CAMK1G: variants seen among roughly 807,000 people sequenced by gnomAD.
CAMK1G encodes the protein calcium/calmodulin dependent protein kinase IG.
Under a neutral mutation model 54.8 loss-of-function variants are expected in CAMK1G, and 27 were observed. That is an observed-to-expected ratio of 0.49 (90% CI 0.36 to 0.68). The LOEUF (loss-of-function observed/expected upper bound fraction) is 0.68. Ranked by LOEUF, CAMK1G falls within the 30% of genes least tolerant of loss-of-function variation. CAMK1G has a pLI of 0.00. For synonymous variants in CAMK1G, 238 were observed against 224.9 expected, an observed-to-expected ratio of 1.06 and a Z score of -0.52; for missense variants, 512 against 591.0, an observed-to-expected ratio of 0.87 and a Z score of 1.39.
At chr1:209,585,812 G>T (rs1180284678) in intron 1 of CAMK1G, among the ~76,000 whole-genome samples, 1 of 152,258 alleles carries the variant, frequency 6.6e-6, no homozygotes, top group Non-Finnish European at 1.5e-5. Context: ...GCGCCCAGCC[G>T]CAGCCTGCCA....
intron 5 of CAMK1G, 21 bp downstream of exon 5, chr1:209,605,695 G>T: frequency 1.9e-6 from 3 of 1,608,258 alleles, no homozygotes; most frequent in South Asian, 1.1e-5. Flanking sequence ...GGGAGTCCTG[G>T]GTGGGAAACA....
Position 209,603,298 on chromosome 1 carries a change from A to G in CAMK1G, c.296+10A>G. The G allele has an allele frequency of 6.2e-7, 1 of 1,611,082 alleles. No homozygotes were observed. The highest frequency in any genetic ancestry group is 8.5e-7 in the Non-Finnish European group (1 of 1,177,300). On this transcript the variant is annotated intron_variant, in intron 4 of 12. Coordinates refer to ENST00000361322, the MANE Select transcript of CAMK1G (RefSeq NM_020439.3). ...ACCTGGTCATGCAGCTGTAAGTAAAAGGTGACTTGCTTCCTTCACAGAGGC... is the reference window on the plus strand; with the variant it reads ...ACCTGGTCATGCAGCTGTAAGTAAAGGGTGACTTGCTTCCTTCACAGAGGC...
At chr1:209,604,010 C>G (rs947782628) in intron 4 of CAMK1G, among the ~76,000 whole-genome samples, 13 of 152,266 alleles carry the variant, frequency 8.5e-5, no homozygotes, top group South Asian at 4.1e-4. Context: ...CTCAAAGACA[C>G]TTCTGTTTAT....
chr1:209,600,139 C>A, intron 3 of CAMK1G, 28 bp downstream of exon 3: 1 of 1,608,516 alleles, frequency 6.2e-7, no homozygotes, highest in South Asian at 1.1e-5. Flanking sequence ...TTGACTGGAT[C>A]ACTATGGGAT....
chr1:209,589,545 A>G (rs2102380884), intron 1 of CAMK1G, among the ~76,000 whole-genome samples: 1 of 152,250 alleles, frequency 6.6e-6, no homozygotes, highest in East Asian at 1.9e-4. Flanking sequence ...TCTTAAGTCT[A>G]ACTCCTCCAC....
chr1:209,592,101 C>T (rs755826474), intron 1 of CAMK1G, among the ~76,000 whole-genome samples: 2 of 152,000 alleles, frequency 1.3e-5, no homozygotes, highest in African/African-American at 4.8e-5. Flanking sequence ...AATCCCAGCA[C>T]ATTGGGGGGC....
rs17014887 is a variant in CAMK1G, at chr1:209,608,863, T to C, written c.636-117T>C. On this transcript the variant is annotated intron_variant, in intron 7 of 12. Transcript: ENST00000361322. ...CAGATCTGCGTCCTGGTCACACCAC[T>C]GTTCTGGGACCTTCAGTGCCCACCT... The C allele has an allele frequency of 1.4e-3, 1,934 of 1,426,152 alleles. 18 individuals are homozygous for C. The African/African-American group carries it at 0.022, about 16-fold the overall frequency. The allele number at this position is 1,426,152 out of a possible 1,614,324, so 88.3% of individuals were successfully genotyped here. A position where few individuals can be genotyped will look rare whatever the true frequency, so the allele number is the denominator to read the frequency against.
At chr1:209,588,470 A>AT in intron 1 of CAMK1G, among the ~76,000 whole-genome samples, 1 of 152,130 alleles carries the variant, frequency 6.6e-6, no homozygotes, top group Non-Finnish European at 1.5e-5. Context: ...GGATCACCTA[A>AT]TTAGGAGCGT....
chr1:209,607,761 C>A, intron 6 of CAMK1G, 97 bp from the exon 7 acceptor site: 1 of 946,556 alleles, frequency 1.1e-6, no homozygotes, highest in South Asian at 1.5e-5. Flanking sequence ...ATCCCACAGT[C>A]TTCCCCAGAC....
chr1:209,590,504 G>A (rs893563197), intron 1 of CAMK1G, among the ~76,000 whole-genome samples: 4 of 152,164 alleles, frequency 2.6e-5, no homozygotes, highest in Non-Finnish European at 4.4e-5. Flanking sequence ...GCCTAGCTTC[G>A]GCTAAGAATA....
intron 6 of CAMK1G, 78 bp from the exon 7 acceptor site, chr1:209,607,780 T>C (rs760833): frequency 0.19 from 235,769 of 1,209,196 alleles, 24,730 homozygotes; most frequent in East Asian, 0.31. Flanking sequence ...ACCTCTTCTC[T>C]AAGCCTGGCC....
At chr1:209,608,827 G>A (rs1203143249) in intron 7 of CAMK1G, 153 bp from the exon 8 acceptor site, 1 of 603,198 alleles carries the variant, frequency 1.7e-6, no homozygotes, top group East Asian at 1.4e-4. Flanking sequence ...GTACCATTCT[G>A]GAATTTGAGG....
At chr1:209,590,456 A>G (rs549920140) in intron 1 of CAMK1G, among the ~76,000 whole-genome samples, 21 of 152,320 alleles carry the variant, frequency 1.4e-4, no homozygotes, top group African/African-American at 4.6e-4. Context: ...GATTCAGTGT[A>G]TGGGAGGAGG....
At position 209,590,465 on chromosome 1, in the gene CAMK1G, G is replaced by A. The variant is rs568177108; in HGVS notation, c.-29-4490G>A. ...GGTTAGGATTCAGTGTATGGGAGGA[G>A]GAGTGGGCGGGAAAGATGTTTTCTC... On this transcript the variant is annotated intron_variant, in intron 1 of 12. Coordinates refer to ENST00000361322, the MANE Select transcript of CAMK1G (RefSeq NM_020439.3). 5.9e-5 allele frequency among the ~76,000 whole-genome samples: 9 copies of A among 152,362 alleles called. 1 individual carries two copies. The South Asian group carries it at 1.9e-3, about 32-fold the overall frequency.
At position 209,595,148 on chromosome 1, in the gene CAMK1G, TG is replaced by T. The variant is rs143628417; in HGVS notation, c.92+75del. 821 of 1,026,840 alleles carry T rather than the reference TG, an allele frequency of 8.0e-4. 3 individuals are homozygous for T. The African/African-American group carries it at 0.011, about 14-fold the overall frequency. 63.6% of individuals were successfully genotyped at this position (1,026,840 alleles called of 1,614,324 possible). Reference sequence around the variant, plus strand: ...GGAGGTTAGAAGAGTTGTTCTCTGCTGGCAGCAATTGATGAACTGGACTGAG... The same window carrying T: ...GGAGGTTAGAAGAGTTGTTCTCTGCTGCAGCAATTGATGAACTGGACTGAG... On this transcript the variant is annotated intron_variant, in intron 2 of 12. Transcript: ENST00000361322.
chr1:209,588,759 T>C (rs1010240589), intron 1 of CAMK1G, among the ~76,000 whole-genome samples: 1 of 152,032 alleles, frequency 6.6e-6, no homozygotes, highest in African/African-American at 2.4e-5. Context: ...TAAATGAAGC[T>C]GGAAAAGGAG....
At chr1:209,606,998 A>C (rs1665664997) in intron 6 of CAMK1G, among the ~76,000 whole-genome samples, 1 of 152,176 alleles carries the variant, frequency 6.6e-6, no homozygotes, top group Admixed American at 6.5e-5. Context: ...CCCCAAAAAG[A>C]GTGAGAGCAG....
intron 3 of CAMK1G, among the ~76,000 whole-genome samples, 177 bp downstream of exon 3, chr1:209,600,288 A>AT (rs10641906): frequency 0.22 from 32,136 of 148,402 alleles, 3,931 homozygotes; most frequent in African/African-American, 0.34. Context: ...GTCCTAGCTG[A>AT]TTTTTTTTTT....
rs537213845 is a variant in CAMK1G at position 209,609,052 on chromosome 1, T to C, written c.708T>C (p.Tyr236=). The change falls in exon 8 of 13, where the codon TAT becomes TAC. Residue 236 remains tyrosine, a synonymous_variant. Coordinates refer to ENST00000361322, the MANE Select transcript of CAMK1G (RefSeq NM_020439.3). The part of the protein sequence containing the change: ...KLFEKIKEGY[Y]EFESPFWDDI... ...TCGAGAAGATCAAGGAGGGCTACTA[T>C]GAGTTTGAGTCTCCATTCTGGGATG... 1.9e-6 allele frequency: 3 copies of C among 1,614,178 alleles called. No homozygotes were observed. Among genetic ancestry groups the C allele is most frequent in the East Asian group, 2.2e-5 (1 of 44,888 alleles).
Sources: allele counts gnomAD v4.1 joint callset (sites outside exome capture counted in the v4.1 genomes callset), GRCh38; gene constraint gnomAD v4.1.1; transcripts MANE v1.5; gene names NCBI Gene and HGNC (gene_info 2026-07-23, HGNC 2026-07-21).